Variants in WASHC5 observed in about 807,000 individuals in gnomAD.
WASHC5 encodes the protein WASH complex subunit strumpellin.
In WASHC5, 101 loss-of-function variants were observed where a neutral mutation model predicts 150.4. The ratio of observed to expected loss-of-function variants is 0.67; its 90% CI spans 0.57 to 0.79. The LOEUF (loss-of-function observed/expected upper bound fraction) is 0.79, where lower values mean the gene tolerates loss of function less well. WASHC5 is among the 30% of genes least tolerant of loss of function. The probability of loss-of-function intolerance (pLI) is 0.00; values close to 1 mark genes in which losing one functional copy is unlikely to be tolerated. For synonymous variants in WASHC5, 467 were observed against 491.2 expected, an observed-to-expected ratio of 0.95 and a Z score of 0.65; for missense variants, 1,195 against 1,396.3, an observed-to-expected ratio of 0.86 and a Z score of 2.30.
chr8:125,042,887 A>G (rs937747702), intron 23 of WASHC5, among the ~76,000 whole-genome samples: 2 of 152,232 alleles, frequency 1.3e-5, no homozygotes, highest in African/African-American at 4.8e-5. Flanking sequence ...ACCACTCACC[A>G]AAATTATGGG....
At chr8:125,032,592 C>CA in intron 26 of WASHC5, 198 bp from the exon 27 acceptor site, 1 of 628,738 alleles carries the variant, frequency 1.6e-6, no homozygotes, top group Non-Finnish European at 2.8e-6. Flanking sequence ...CTGAAGGATT[C>CA]AAAACCAATA....
intron 1 of WASHC5, among the ~76,000 whole-genome samples, chr8:125,089,855 C>T (rs1443496611): frequency 6.6e-6 from 1 of 152,112 alleles, no homozygotes; most frequent in Non-Finnish European, 1.5e-5. Flanking sequence ...CAAATATGTT[C>T]GGCAATAGTA....
At chr8:125,045,575 C>A (rs906830067) in intron 20 of WASHC5, among the ~76,000 whole-genome samples, 16 of 152,186 alleles carry the variant, frequency 1.1e-4, no homozygotes, top group African/African-American at 3.6e-4. Context: ...GCATTTTCAG[C>A]AAGCTCCACA....
In WASHC5 at chr8:125,050,546, A is replaced by G; in HGVS notation, c.2199+18T>C. The G allele has an allele frequency of 6.3e-7, 1 of 1,589,764 alleles. No individual in the cohort carries two copies. The highest frequency in any genetic ancestry group is 8.6e-7 in the Non-Finnish European group (1 of 1,157,774). On this transcript the variant is annotated intron_variant, in intron 18 of 28. Coordinates refer to ENST00000318410, the MANE Select transcript of WASHC5 (RefSeq NM_014846.4). Reference sequence around the variant, plus strand: ...GCTGGGCGGAGAAGAGGACAGGCCCACTCTGGTCACTGGGTACCTTGGCTC... The same window carrying G: ...GCTGGGCGGAGAAGAGGACAGGCCCGCTCTGGTCACTGGGTACCTTGGCTC...
At chr8:125,047,389 C>A (rs879409281) in intron 19 of WASHC5, 58 bp from the exon 20 acceptor site, 5 of 1,518,756 alleles carry the variant, frequency 3.3e-6, no homozygotes, top group South Asian at 1.1e-5. Context: ...CTAGTTATCC[C>A]TTTTCCATAT....
intron 11 of WASHC5, among the ~76,000 whole-genome samples, chr8:125,062,101 T>C (rs1816610291): frequency 1.3e-5 from 2 of 152,314 alleles, no homozygotes; most frequent in South Asian, 4.1e-4. Context: ...AGAATTGGCA[T>C]GACAAACACT....
chr8:125,064,497 T>C (rs1816693049), intron 10 of WASHC5, among the ~76,000 whole-genome samples: 2 of 152,000 alleles, frequency 1.3e-5, no homozygotes, highest in Admixed American at 1.3e-4. Context: ...GTTGGGATTA[T>C]AGGCATGAGC....
chr8:125,044,656 C>T lies in WASHC5; in HGVS notation c.2547G>A (p.Met849Ile). Residue 849 changes from methionine (M) to isoleucine (I), a missense_variant, in exon 21 of 29, where the codon ATG (methionine) becomes ATA (isoleucine). This residue lies in a region of WASHC5 where 997 missense variants were observed against 1,168.1 expected (regional missense o/e 0.85). Transcript: ENST00000318410. ...TGCTGGTCACTTCCTGATGAGTTTT[C>T]ATATCATACCAAGTGTTCAGCTGGT... ...HIDQLNTWYD[M>I]KTHQEVTSSR... 6.2e-7 allele frequency: 1 copy of T among 1,614,080 alleles called. No homozygotes were observed. Among genetic ancestry groups the T allele is most frequent in the Non-Finnish European group, 8.5e-7 (1 of 1,179,938 alleles).
chr8:125,064,363 T>G (rs1390263448), intron 10 of WASHC5, among the ~76,000 whole-genome samples: 1 of 145,494 alleles, frequency 6.9e-6, no homozygotes, highest in South Asian at 2.2e-4. Context: ...CCACTACACC[T>G]GGTTAATTTT....
intron 16 of WASHC5, among the ~76,000 whole-genome samples, chr8:125,056,293 A>T (rs1816403649): frequency 6.6e-6 from 1 of 152,194 alleles, no homozygotes; most frequent in Admixed American, 6.5e-5. Flanking sequence ...GTGAGCTTAA[A>T]ATCTGCCCAA....
intron 28 of WASHC5, among the ~76,000 whole-genome samples, chr8:125,026,836 CT>C (rs895195369): frequency 1.1e-4 from 17 of 151,780 alleles, no homozygotes; most frequent in African/African-American, 2.2e-4. Flanking sequence ...ATTTTAATAT[CT>C]TTTTTTTAAA....
At chr8:125,059,095 G>A (rs1341135201) in intron 14 of WASHC5, 127 bp downstream of exon 14, 1 of 730,802 alleles carries the variant, frequency 1.4e-6, no homozygotes, top group Non-Finnish European at 2.4e-6. Flanking sequence ...AACAATTTCA[G>A]TCTATAAAAA....
Position 125,038,943 on chromosome 8 carries a change from T to C in WASHC5, c.2971A>G (p.Ile991Val), listed in dbSNP as rs1554591077. Residue 991 changes from isoleucine to valine, a missense_variant, in exon 25 of 29, where the codon ATT (isoleucine) becomes GTT (valine). Transcript: ENST00000318410. ...GAAGGGTCCTGATAGTGGGCTTCAA[T>C]GTCTGCTAGGAGAGCCCTAAAGGAA... ...ENLNKALLADIEAHYQDPSLP... is the reference protein window; with the variant it reads ...ENLNKALLADVEAHYQDPSLP... The C allele has an allele frequency of 1.9e-6, 3 of 1,613,956 alleles. No individual in the cohort carries two copies. Among genetic ancestry groups the C allele is most frequent in the Middle Eastern group, 3.3e-4 (2 of 6,052 alleles).
chr8:125,085,298 C>G (rs1336845717), intron 1 of WASHC5, among the ~76,000 whole-genome samples: 1 of 152,172 alleles, frequency 6.6e-6, no homozygotes, highest in Non-Finnish European at 1.5e-5. Flanking sequence ...AGTAAAGTGA[C>G]ATCTAGGAAT....
chr8:125,075,165 G>T, intron 7 of WASHC5, 54 bp from the exon 8 acceptor site: 1 of 1,082,302 alleles, frequency 9.2e-7, no homozygotes, highest in Non-Finnish European at 1.4e-6. Flanking sequence ...TCAAGGCAAA[G>T]GGTTGAATAC....
chr8:125,035,921 T>G (rs977476026), intron 26 of WASHC5, among the ~76,000 whole-genome samples: 1 of 152,224 alleles, frequency 6.6e-6, no homozygotes, highest in Non-Finnish European at 1.5e-5. Flanking sequence ...CTAAAGTCTA[T>G]AGTGGATTTT....
At chr8:125,064,742 C>G (rs1816699273) in intron 10 of WASHC5, among the ~76,000 whole-genome samples, 1 of 152,044 alleles carries the variant, frequency 6.6e-6, no homozygotes. Context: ...TGATTTCTCG[C>G]TTAAGAAATT....
intron 17 of WASHC5, among the ~76,000 whole-genome samples, chr8:125,052,995 A>G (rs1816288591): frequency 6.6e-6 from 1 of 152,234 alleles, no homozygotes. Flanking sequence ...ATTTTATAAT[A>G]AAGTATTGAA....
At chr8:125,081,537 C>T (rs1336035941) in intron 5 of WASHC5, 124 bp downstream of exon 5, 2 of 740,324 alleles carry the variant, frequency 2.7e-6, no homozygotes, top group Non-Finnish European at 2.4e-6. Context: ...CTGTGCCCGG[C>T]TGAATCGTAT....
Sources: gnomAD v4.1 joint callset for allele counts (sites outside exome capture counted in the v4.1 genomes callset) on GRCh38, gnomAD v4.1.1 for gene constraint, gnomAD v4.1.1 regional missense constraint, MANE v1.5 for transcripts, NCBI Gene and HGNC (gene_info 2026-07-23, HGNC 2026-07-21) for gene names.